Variants in FGF12 observed in about 807,000 individuals in gnomAD.
FGF12 encodes the protein fibroblast growth factor 12B.
FGF12 carries 14 observed loss-of-function variants against 23.6 expected under a neutral mutation model. That is an observed-to-expected ratio of 0.59 (90% CI 0.39 to 0.93). FGF12 has a LOEUF of 0.93. FGF12 is among the 40% of genes least tolerant of loss of function. The probability of loss-of-function intolerance (pLI) is 0.00; values close to 1 mark genes in which losing one functional copy is unlikely to be tolerated. For synonymous variants in FGF12, 62 were observed against 77.3 expected, an observed-to-expected ratio of 0.80 and a Z score of 1.04; for missense variants, 175 against 217.8, an observed-to-expected ratio of 0.80 and a Z score of 1.24.
intron 4 of FGF12, among the ~76,000 whole-genome samples, chr3:192,294,577 C>A (rs1257557908): frequency 6.6e-6 from 1 of 152,128 alleles, no homozygotes; most frequent in Non-Finnish European, 1.5e-5. Flanking sequence ...GATATCAGAT[C>A]ATATAAAAGC....
At chr3:192,292,073 T>C (rs1440359265) in intron 4 of FGF12, among the ~76,000 whole-genome samples, 1 of 152,196 alleles carries the variant, frequency 6.6e-6, no homozygotes, top group East Asian at 1.9e-4. Flanking sequence ...TGAAAATGGC[T>C]AACATTCACA....
At chr3:192,537,895 C>T (rs1377232693) in intron 2 of FGF12, among the ~76,000 whole-genome samples, 1 of 148,818 alleles carries the variant, frequency 6.7e-6, no homozygotes, top group African/African-American at 2.5e-5. Context: ...AGTGTTTTCC[C>T]AAAGTTTTCT....
At chr3:192,624,956 C>T (rs985887606) in intron 2 of FGF12, among the ~76,000 whole-genome samples, 1 of 152,208 alleles carries the variant, frequency 6.6e-6, no homozygotes, top group East Asian at 1.9e-4. Flanking sequence ...GTACAGACTA[C>T]TGTCATAGTC....
intron 2 of FGF12, among the ~76,000 whole-genome samples, chr3:192,417,947 T>C (rs375308771): frequency 6.6e-6 from 1 of 151,996 alleles, no homozygotes; most frequent in East Asian, 1.9e-4. Context: ...TTTTGAATAA[T>C]TTGCCCATGT....
intron 4 of FGF12, among the ~76,000 whole-genome samples, chr3:192,305,338 TA>T (rs779657822): frequency 6.0e-5 from 9 of 150,612 alleles, no homozygotes; most frequent in Admixed American, 2.0e-4. Flanking sequence ...AAGCTAAATG[TA>T]AAAAAAAACA....
At chr3:192,186,454 T>C (rs1716475838) in intron 4 of FGF12, among the ~76,000 whole-genome samples, 1 of 152,232 alleles carries the variant, frequency 6.6e-6, no homozygotes, top group South Asian at 2.1e-4. Flanking sequence ...GTTGTGCACA[T>C]AGTAAGCCTA....
intron 2 of FGF12, among the ~76,000 whole-genome samples, chr3:192,584,414 C>T (rs1713289291): frequency 6.6e-6 from 1 of 151,896 alleles, no homozygotes; most frequent in Non-Finnish European, 1.5e-5. Context: ...CTGTGGAAAA[C>T]AGAGGCCCAG....
chr3:192,318,256 A>G (rs2108679492), intron 4 of FGF12, among the ~76,000 whole-genome samples: 1 of 152,298 alleles, frequency 6.6e-6, no homozygotes, highest in East Asian at 1.9e-4. Context: ...TGAACTAAAT[A>G]AGACCCCAGG....
intron 2 of FGF12, among the ~76,000 whole-genome samples, chr3:192,402,239 T>C (rs1201379570): frequency 6.6e-6 from 1 of 152,260 alleles, no homozygotes; most frequent in Non-Finnish European, 1.5e-5. Flanking sequence ...TCTGGCCCTC[T>C]GGGCCCAAGT....
chr3:192,707,438 T>C (rs527252886), intron 2 of FGF12, among the ~76,000 whole-genome samples: 2 of 152,266 alleles, frequency 1.3e-5, no homozygotes, highest in African/African-American at 2.4e-5. Context: ...AATCATGCTG[T>C]TCCCCATTGT....
At chr3:192,342,761 G>C (rs768896317) in intron 3 of FGF12, among the ~76,000 whole-genome samples, 12 of 151,932 alleles carry the variant, frequency 7.9e-5, no homozygotes, top group Non-Finnish European at 1.8e-4. Flanking sequence ...TGGGTAACGG[G>C]GCAGGGCATG....
In FGF12 at chr3:192,171,272, G is replaced by A. The variant is rs139756290; in HGVS notation, c.229-616C>T. On this transcript the variant is annotated intron_variant, in intron 4 of 5. Coordinates refer to ENST00000445105, the MANE Select transcript of FGF12 (RefSeq NM_004113.6). ...ATTATATTGAAGAAAATTACTAATAGTATTAATTCCTATTACTATTGACCT... is the reference window on the plus strand; with the variant it reads ...ATTATATTGAAGAAAATTACTAATAATATTAATTCCTATTACTATTGACCT... Among the ~76,000 whole-genome samples the A allele has an allele frequency of 1.8e-3, 271 of 152,184 alleles. 1 individual carries two copies. Among genetic ancestry groups the A allele is most frequent in the Admixed American group, 7.6e-3 (116 of 15,272 alleles).
At chr3:192,677,766 C>T (rs780192745) in intron 2 of FGF12, among the ~76,000 whole-genome samples, 8 of 152,122 alleles carry the variant, frequency 5.3e-5, no homozygotes, top group Non-Finnish European at 8.8e-5. Context: ...GCCTGTCTTC[C>T]GTCTCACACA....
At chr3:192,224,321 C>T (rs1269767800) in intron 4 of FGF12, among the ~76,000 whole-genome samples, 9 of 152,184 alleles carry the variant, frequency 5.9e-5, no homozygotes, top group South Asian at 2.1e-4. Context: ...CGAAAACAAA[C>T]GTGAAGGATT....
intron 2 of FGF12, among the ~76,000 whole-genome samples, chr3:192,583,806 C>T (rs1713258675): frequency 6.6e-6 from 1 of 152,146 alleles, no homozygotes; most frequent in Admixed American, 6.6e-5. Flanking sequence ...TTCAATTTAG[C>T]TTGTTTTATA....
At chr3:192,446,562 C>T (rs569753556) in intron 2 of FGF12, among the ~76,000 whole-genome samples, 6 of 152,270 alleles carry the variant, frequency 3.9e-5, no homozygotes, top group African/African-American at 1.4e-4. Context: ...TTCTGCTTCC[C>T]GTGGGTCTTT....
chr3:192,666,363 C>A (rs1293099421), intron 2 of FGF12, among the ~76,000 whole-genome samples: 1 of 152,144 alleles, frequency 6.6e-6, no homozygotes, highest in East Asian at 1.9e-4. Flanking sequence ...TGGATGGATG[C>A]TCATTTGTAG....
chr3:192,515,607 C>A (rs1318553911), intron 2 of FGF12: 1 of 152,436 alleles, frequency 6.6e-6, no homozygotes, highest in Non-Finnish European at 1.5e-5. Flanking sequence ...TGTCCCCGTG[C>A]CTTTCAGGCT....
intron 2 of FGF12, among the ~76,000 whole-genome samples, chr3:192,670,040 T>A (rs1577111328): frequency 6.6e-6 from 1 of 152,192 alleles, no homozygotes; most frequent in South Asian, 2.1e-4. Flanking sequence ...ATATCCACAA[T>A]TATTTAAAAG....
Sources: gnomAD v4.1 joint callset for allele counts (sites outside exome capture counted in the v4.1 genomes callset) on GRCh38, gnomAD v4.1.1 for gene constraint, MANE v1.5 for transcripts, NCBI Gene and HGNC (gene_info 2026-07-23, HGNC 2026-07-21) for gene names.